KAZN: variants seen among roughly 807,000 people sequenced by gnomAD.
KAZN encodes kazrin.
Under a neutral mutation model 87.4 loss-of-function variants are expected in KAZN, and 40 were observed. The ratio of observed to expected loss-of-function variants is 0.46; its 90% CI spans 0.36 to 0.60. The LOEUF (loss-of-function observed/expected upper bound fraction) is 0.60. KAZN is among the 20% of genes least tolerant of loss of function. KAZN has a pLI of 0.00. For synonymous variants in KAZN, 466 were observed against 458.3 expected (o/e 1.02, Z -0.22); for missense variants, 898 against 1,073.9 (o/e 0.84, Z 2.29).
chr1:14,168,276 G>A (rs773900971), intron 1 of KAZN, among the ~76,000 whole-genome samples: 3 of 152,206 alleles, frequency 2.0e-5, no homozygotes, highest in Non-Finnish European at 2.9e-5. Flanking sequence ...CCTTGGTAAT[G>A]CTGGGAACCT....
chr1:14,190,351 G>A (rs1039685910), intron 2 of KAZN, among the ~76,000 whole-genome samples: 17 of 152,046 alleles, frequency 1.1e-4, no homozygotes, highest in East Asian at 5.8e-4. Flanking sequence ...TAATACCCCC[G>A]GTGACTTTGT....
rs1434795358 is a variant in KAZN, at chr1:14,133,437, G to GAAAGAAAT, written c.92-46995_92-46994insGAAATAAA. Among the ~76,000 whole-genome samples the GAAAGAAAT allele has an allele frequency of 2.1e-4, 29 of 141,204 alleles. 1 individual carries two copies. Among genetic ancestry groups the GAAAGAAAT allele is most frequent in the African/African-American group, 7.1e-4 (27 of 37,864 alleles). 92.6% of individuals were successfully genotyped at this position (141,204 alleles called of 152,430 possible). On this transcript the variant is annotated intron_variant, in intron 1 of 16. Coordinates refer to the KAZN transcript ENST00000636203. ...AGAAAGAAAGAAAGAAAGAAAGAAA[G>GAAAGAAAT]AAAATAGGGGAATCTATGTGTAACT...
rs10927513 is a variant in KAZN at position 14,715,044 on chromosome 1, C to G, written c.226+115821C>G. On this transcript the variant is annotated intron_variant, in intron 1 of 14. Transcript: ENST00000376030. ...ACTCCTCAGCTTAGCAATCCTCCCA[C>G]CTCGGCCTCCCAGAGTGCTGGGACC... is the stretch of plus-strand genomic sequence containing the variant. Among the ~76,000 whole-genome samples the G allele has an allele frequency of 7.7e-3, 1,171 of 151,966 alleles. 17 individuals carry two copies. Among genetic ancestry groups the G allele is most frequent in the African/African-American group, 0.026 (1,089 of 41,454 alleles).
chr1:14,837,170 T>C (rs1303290626), intron 1 of KAZN, among the ~76,000 whole-genome samples: 1 of 152,208 alleles, frequency 6.6e-6, no homozygotes, highest in East Asian at 1.9e-4. Flanking sequence ...CATTTATCAT[T>C]ATGGTGCTAA....
intron 2 of KAZN, among the ~76,000 whole-genome samples, chr1:14,561,462 G>T (rs1364223120): frequency 1.3e-5 from 2 of 152,182 alleles, no homozygotes; most frequent in Non-Finnish European, 2.9e-5. Context: ...TTTGGGTCCA[G>T]TTCTTACCCC....
chr1:14,064,441 T>C (rs1036102443), intron 1 of KAZN, among the ~76,000 whole-genome samples: 7 of 152,214 alleles, frequency 4.6e-5, no homozygotes, highest in Non-Finnish European at 8.8e-5. Context: ...GTCACTCTGC[T>C]GCAGCCTCTC....
Position 14,458,334 on chromosome 1 carries a change from A to T in KAZN, c.250-140649A>T, listed in dbSNP as rs1445649868. 2.0e-5 allele frequency among the ~76,000 whole-genome samples: 3 copies of T among 152,338 alleles called. No homozygotes were observed. The East Asian group carries it at 5.8e-4, about 29-fold the overall frequency. ...TTCTAACAACTATGAAAAACTCTTC[A>T]TTAGTTCTAATAGTTTGTTGATTAT... On this transcript the variant is annotated intron_variant, in intron 2 of 16. Transcript: ENST00000636203.
At chr1:13,961,743 T>G (rs1028271134) in intron 1 of KAZN, among the ~76,000 whole-genome samples, 3 of 152,152 alleles carry the variant, frequency 2.0e-5, no homozygotes, top group African/African-American at 7.2e-5. Context: ...ACCTTGAGAT[T>G]CTCTGGGATG....
chr1:14,939,589 C>T (rs1478278614), intron 1 of KAZN, among the ~76,000 whole-genome samples: 1 of 152,168 alleles, frequency 6.6e-6, no homozygotes, highest in Non-Finnish European at 1.5e-5. Context: ...GTTTATTAAG[C>T]ATGAGGTCCG....
intron 1 of KAZN, among the ~76,000 whole-genome samples, chr1:14,662,202 G>A (rs1639222676): frequency 6.6e-6 from 1 of 152,158 alleles, no homozygotes; most frequent in Non-Finnish European, 1.5e-5. Flanking sequence ...GCTTTAGCCA[G>A]CGGCCGGCAG....
chr1:14,038,693 GA>G (rs1425630020), intron 1 of KAZN, among the ~76,000 whole-genome samples: 1 of 152,172 alleles, frequency 6.6e-6, no homozygotes, highest in Non-Finnish European at 1.5e-5. Flanking sequence ...AAGGACACAG[GA>G]AACCTTGCCT....
intron 1 of KAZN, among the ~76,000 whole-genome samples, chr1:14,935,421 C>A (rs1366694109): frequency 6.6e-6 from 1 of 152,078 alleles, no homozygotes; most frequent in Non-Finnish European, 1.5e-5. Flanking sequence ...CCCCATCCCC[C>A]AGAACCGCTT....
chr1:14,691,352 ACT>A (rs1209431544), intron 1 of KAZN, among the ~76,000 whole-genome samples: 2 of 152,102 alleles, frequency 1.3e-5, no homozygotes, highest in African/African-American at 4.8e-5. Flanking sequence ...ATGCACACAA[ACT>A]CTACAAATAT....
At chr1:14,530,519 C>G (rs1299955325) in intron 2 of KAZN, among the ~76,000 whole-genome samples, 2 of 152,112 alleles carry the variant, frequency 1.3e-5, no homozygotes, top group East Asian at 3.9e-4. Flanking sequence ...GTCATGGGGG[C>G]AAATTCCTCA....
chr1:14,785,413 A>T (rs1473808604), intron 1 of KAZN, among the ~76,000 whole-genome samples: 1 of 152,148 alleles, frequency 6.6e-6, no homozygotes, highest in Non-Finnish European at 1.5e-5. Context: ...GAGTGGTGTC[A>T]TGGAGAACAA....
intron 1 of KAZN, among the ~76,000 whole-genome samples, chr1:14,853,660 C>T (rs1181263159): frequency 1.3e-5 from 2 of 152,150 alleles, no homozygotes; most frequent in Non-Finnish European, 1.5e-5. Flanking sequence ...GTGCATGATC[C>T]ACTGCAACTT....
intron 2 of KAZN, chr1:14,180,628 G>A: frequency 2.6e-6 from 4 of 1,514,250 alleles, no homozygotes; most frequent in East Asian, 4.9e-5. Context: ...CTATGGAGAA[G>A]GTGGAATCTT....
chr1:14,409,283 T>G (rs1034091732), intron 2 of KAZN, among the ~76,000 whole-genome samples: 1 of 152,086 alleles, frequency 6.6e-6, no homozygotes, highest in African/African-American at 2.4e-5. Context: ...TTTTAATGCC[T>G]GGAAAGGTAC....
chr1:14,989,086 G>A (rs1572995377), intron 2 of KAZN, among the ~76,000 whole-genome samples: 1 of 152,196 alleles, frequency 6.6e-6, no homozygotes, highest in Non-Finnish European at 1.5e-5. Context: ...GGCTTTCCTG[G>A]AGCCTCATGT....
Sources: allele counts gnomAD v4.1 joint callset (sites outside exome capture counted in the v4.1 genomes callset), GRCh38; gene constraint gnomAD v4.1.1; transcripts MANE v1.5; gene names NCBI Gene and HGNC (gene_info 2026-07-23, HGNC 2026-07-21).